Variants in ESRRG observed in about 807,000 individuals in gnomAD.
ESRRG encodes estrogen related receptor gamma, also known as estrogen-related receptor gamma.
ESRRG carries 13 observed loss-of-function variants against 44.0 expected under a neutral mutation model. The observed-to-expected ratio is 0.30, with a 90% CI of 0.19 to 0.47. The LOEUF (loss-of-function observed/expected upper bound fraction) is 0.47, where lower values mean the gene tolerates loss of function less well. Among genes scored for constraint, ESRRG ranks in the 20% least tolerant of loss-of-function variants. The probability of loss-of-function intolerance (pLI) is 1.00; values close to 1 mark genes in which losing one functional copy is unlikely to be tolerated. For synonymous variants in ESRRG, 215 were observed against 214.6 expected (o/e 1.00, Z -0.02); for missense variants, 395 against 580.6 (o/e 0.68, Z 3.29).
chr1:217,068,523 A>G (rs1580349831), intron 1 of ESRRG, among the ~76,000 whole-genome samples: 2 of 151,994 alleles, frequency 1.3e-5, no homozygotes, highest in Admixed American at 6.6e-5. Flanking sequence ...CTTCGGCTAT[A>G]TTTTTTTAAC....
At chr1:216,994,761 T>TA (rs1343532859) in intron 1 of ESRRG, among the ~76,000 whole-genome samples, 1 of 151,732 alleles carries the variant, frequency 6.6e-6, no homozygotes, top group Admixed American at 6.6e-5. Flanking sequence ...TTTTGTATTT[T>TA]TTTTTTAGTA....
At chr1:216,694,214 A>C (rs1370272963) in intron 1 of ESRRG, among the ~76,000 whole-genome samples, 1 of 152,218 alleles carries the variant, frequency 6.6e-6, no homozygotes, top group Non-Finnish European at 1.5e-5. Flanking sequence ...AAGAAGATTA[A>C]ATAAAAATTA....
chr1:216,577,820 C>T (rs2061976496), intron 3 of ESRRG, among the ~76,000 whole-genome samples: 1 of 151,792 alleles, frequency 6.6e-6, no homozygotes. Flanking sequence ...GCCATATGAG[C>T]CTGGAGGGCA....
intron 5 of ESRRG, among the ~76,000 whole-genome samples, chr1:216,551,261 T>C (rs1056693795): frequency 5.9e-5 from 9 of 152,186 alleles, no homozygotes; most frequent in African/African-American, 2.2e-4. Context: ...ATATACTTTG[T>C]TTAGTGCATA....
intron 5 of ESRRG, among the ~76,000 whole-genome samples, chr1:216,556,512 A>G (rs2057611075): frequency 2.0e-5 from 3 of 152,212 alleles, no homozygotes. Flanking sequence ...ATAATTCAAA[A>G]GTTCCAATTT....
At chr1:216,587,858 G>A (rs1339760774) in intron 3 of ESRRG, among the ~76,000 whole-genome samples, 1 of 152,144 alleles carries the variant, frequency 6.6e-6, no homozygotes, top group Non-Finnish European at 1.5e-5. Context: ...GTTCATGCAA[G>A]CAGTGCATTA....
chr1:217,134,082 G>A (rs1366072949), intron 1 of ESRRG, among the ~76,000 whole-genome samples: 2 of 152,132 alleles, frequency 1.3e-5, no homozygotes, highest in African/African-American at 2.4e-5. Flanking sequence ...GGGCAGCTCC[G>A]GGCCAGATGC....
intron 1 of ESRRG, among the ~76,000 whole-genome samples, chr1:217,060,511 C>T (rs1428464398): frequency 6.6e-6 from 1 of 151,936 alleles, no homozygotes; most frequent in African/African-American, 2.4e-5. Context: ...GATGAGAGAG[C>T]CAAAGAAATA....
At chr1:216,633,834 T>C (rs1381419773) in intron 3 of ESRRG, among the ~76,000 whole-genome samples, 2 of 152,234 alleles carry the variant, frequency 1.3e-5, no homozygotes, top group Admixed American at 1.3e-4. Flanking sequence ...AAGAAAATTA[T>C]TAAGAGATGG....
At chr1:216,609,546 A>G (rs2060348333) in intron 3 of ESRRG, among the ~76,000 whole-genome samples, 1 of 152,234 alleles carries the variant, frequency 6.6e-6, no homozygotes, top group Non-Finnish European at 1.5e-5. Flanking sequence ...AACAGAAGTA[A>G]TAACTGAAGT....
At chr1:216,815,690 G>A (rs2095113762) in intron 2 of ESRRG, among the ~76,000 whole-genome samples, 2 of 152,188 alleles carry the variant, frequency 1.3e-5, no homozygotes, top group Admixed American at 6.5e-5. Flanking sequence ...TCGGTTCAGC[G>A]CAGCTGGTGG....
chr1:216,609,828 T>G (rs932186181), intron 3 of ESRRG, among the ~76,000 whole-genome samples: 1 of 152,250 alleles, frequency 6.6e-6, no homozygotes, highest in African/African-American at 2.4e-5. Context: ...CATTAGGGGT[T>G]AATTCTGTCA....
At chr1:217,131,079 T>C (rs561585132) in intron 1 of ESRRG, among the ~76,000 whole-genome samples, 2 of 152,300 alleles carry the variant, frequency 1.3e-5, no homozygotes, top group South Asian at 4.1e-4. Context: ...TAAAGGCAGA[T>C]TCAGTTGGAT....
intron 1 of ESRRG, among the ~76,000 whole-genome samples, chr1:217,021,077 T>TAC (rs71556671): frequency 1.8e-5 from 2 of 108,972 alleles, no homozygotes; most frequent in African/African-American, 8.1e-5. Flanking sequence ...CACACACACA[T>TAC]ACACACAGAG....
At chr1:216,667,634 C>T (rs1243201072) in intron 2 of ESRRG, among the ~76,000 whole-genome samples, 1 of 127,558 alleles carries the variant, frequency 7.8e-6, no homozygotes, top group East Asian at 2.4e-4. Flanking sequence ...TGCAGTAAGC[C>T]AAGATCACCC....
intron 2 of ESRRG, among the ~76,000 whole-genome samples, chr1:216,923,601 G>A (rs539678337): frequency 3.3e-5 from 5 of 150,960 alleles, no homozygotes; most frequent in African/African-American, 4.8e-5. Context: ...CGGCAGATCC[G>A]AGCAGAGGAT....
At chr1:216,864,304 A>C (rs1374153311) in intron 2 of ESRRG, 1 of 146,134 alleles carries the variant, frequency 6.8e-6, no homozygotes, top group Non-Finnish European at 1.5e-5. Flanking sequence ...ATTTCCTAGG[A>C]GGCAGCTGGT....
rs1223219509 is a variant in ESRRG, at chr1:217,120,724, A to G, written c.-230+16943T>C. Among the ~76,000 whole-genome samples, 8 of 152,198 alleles carry G rather than the reference A, an allele frequency of 5.3e-5. No individual in the cohort carries two copies. In the East Asian group the frequency reaches 1.5e-3, roughly 29 times the overall value. ...CCACTGTTCCCTCTGCCTACAATTC[A>G]TCTTTCTCATGTGGTTAATTCATCT... On this transcript the variant is annotated intron_variant, in intron 1 of 8. Coordinates refer to the ESRRG transcript ENST00000366940.
chr1:217,120,464 C>CAA lies in ESRRG; in HGVS notation c.-230+17201_-230+17202dup, dbSNP rs35939406. On this transcript the variant is annotated intron_variant, in intron 1 of 8. Transcript: ENST00000366940. ...ACACAGTAGCCAAAATGAACTCTTC[C>CAA]AAAAAAAAAAAAAAATCTGATCATG... is the stretch of plus-strand genomic sequence containing the variant. 4.7e-3 allele frequency among the ~76,000 whole-genome samples: 626 copies of CAA among 134,272 alleles called. 4 individuals carry two copies. Among genetic ancestry groups the CAA allele is most frequent in the African/African-American group, 0.016 (599 of 36,830 alleles). The allele number at this position is 134,272 out of a possible 152,430, so 88.1% of individuals were successfully genotyped here.
Sources: gnomAD v4.1 joint callset for allele counts (sites outside exome capture counted in the v4.1 genomes callset) on GRCh38, gnomAD v4.1.1 for gene constraint, MANE v1.5 for transcripts, NCBI Gene and HGNC (gene_info 2026-07-23, HGNC 2026-07-21) for gene names.